ADARB2: variants seen among roughly 807,000 people sequenced by gnomAD.
ADARB2 encodes the protein adenosine deaminase RNA specific B2 (inactive).
Under a neutral mutation model 62.2 loss-of-function variants are expected in ADARB2, and 25 were observed. That is an observed-to-expected ratio of 0.40 (90% CI 0.29 to 0.56). The LOEUF is 0.56. Ranked by LOEUF, ADARB2 falls within the 20% of genes least tolerant of loss-of-function variation. ADARB2 has a pLI of 0.43. For synonymous variants in ADARB2, 572 were observed against 500.8 expected, an observed-to-expected ratio of 1.14 and a Z score of -1.90; for missense variants, 1,071 against 1,077.4, an observed-to-expected ratio of 0.99 and a Z score of 0.08.
At chr10:1,714,402 C>A (rs375148292) in intron 1 of ADARB2, among the ~76,000 whole-genome samples, 37 of 152,324 alleles carry the variant, frequency 2.4e-4, no homozygotes, top group South Asian at 1.9e-3. Flanking sequence ...AATTCACTTA[C>A]TGAGCATGTC....
chr10:1,235,100 A>G (rs376064445), intron 5 of ADARB2, among the ~76,000 whole-genome samples: 78 of 151,840 alleles, frequency 5.1e-4, no homozygotes, highest in Middle Eastern at 3.4e-3. Flanking sequence ...GCCCACATCT[A>G]TCTGTCTACA....
At chr10:1,673,037 T>C (rs1834411284) in intron 1 of ADARB2, among the ~76,000 whole-genome samples, 1 of 152,168 alleles carries the variant, frequency 6.6e-6, no homozygotes, top group East Asian at 1.9e-4. Context: ...GAGGCGTCTG[T>C]TTCTGCCTCA....
At chr10:1,339,526 G>C (rs1339900217) in intron 3 of ADARB2, among the ~76,000 whole-genome samples, 1 of 152,092 alleles carries the variant, frequency 6.6e-6, no homozygotes, top group Non-Finnish European at 1.5e-5. Context: ...ATTACAGAAG[G>C]GATTAAAAAC....
At chr10:1,505,323 G>A (rs1490750873) in intron 1 of ADARB2, among the ~76,000 whole-genome samples, 2 of 151,984 alleles carry the variant, frequency 1.3e-5, no homozygotes, top group East Asian at 1.9e-4. Context: ...TGATGATGAC[G>A]CTGAGGAAGA....
At chr10:1,647,417 ATGTGTATACATATG>A (rs1209230434) in intron 1 of ADARB2, among the ~76,000 whole-genome samples, 7 of 148,624 alleles carry the variant, frequency 4.7e-5, no homozygotes, top group Non-Finnish European at 1.5e-5. Context: ...GTGTGCATAT[ATGTGTATACATATG>A]TGTATACCTG....
At chr10:1,690,655 C>T (rs912248848) in intron 1 of ADARB2, among the ~76,000 whole-genome samples, 1 of 152,152 alleles carries the variant, frequency 6.6e-6, no homozygotes, top group Non-Finnish European at 1.5e-5. Context: ...TCCTTCCTGT[C>T]CCCATGCTCA....
rs141216722 is a variant in ADARB2, at chr10:1,694,749, G to A, written c.100+42302C>T. On this transcript the variant is annotated intron_variant, in intron 1 of 9. Transcript: ENST00000381312. ...AAGCACATTTACGTTTTTTCAGTCC[G>A]GGTTTTGGAAGCAGCAGGAGCTGGA... Among the ~76,000 whole-genome samples the A allele has an allele frequency of 7.5e-3, 1,138 of 152,270 alleles. 11 individuals carry two copies. The highest frequency in any genetic ancestry group is 0.026 in the African/African-American group (1,068 of 41,552).
chr10:1,427,749 TTA>T (rs1035802158), intron 1 of ADARB2, among the ~76,000 whole-genome samples: 1 of 152,200 alleles, frequency 6.6e-6, no homozygotes, highest in African/African-American at 2.4e-5. Context: ...GAATGGAAAT[TTA>T]TGTTTGCATA....
chr10:1,693,215 C>G (rs1000747193), intron 1 of ADARB2, among the ~76,000 whole-genome samples: 3 of 152,172 alleles, frequency 2.0e-5, no homozygotes, highest in Non-Finnish European at 4.4e-5. Flanking sequence ...GGTTTCTGAC[C>G]TGCAAGGGGC....
intron 1 of ADARB2, among the ~76,000 whole-genome samples, chr10:1,409,671 A>ATGGTG (rs1832740418): frequency 1.5e-5 from 1 of 67,846 alleles, no homozygotes; most frequent in Non-Finnish European, 3.2e-5. Context: ...AGGCCTGGCC[A>ATGGTG]CGGTCATGGG....
intron 1 of ADARB2, among the ~76,000 whole-genome samples, chr10:1,488,290 G>A (rs73582333): frequency 0.035 from 5,259 of 151,696 alleles, 301 homozygotes; most frequent in African/African-American, 0.12. Flanking sequence ...ATCCAAAAAT[G>A]ACCCACAGCA....
intron 3 of ADARB2, among the ~76,000 whole-genome samples, chr10:1,309,080 C>T (rs1296882583): frequency 6.6e-6 from 1 of 152,176 alleles, no homozygotes; most frequent in African/African-American, 2.4e-5. Flanking sequence ...ATGCCTCTGA[C>T]AGCAAACCAC....
At chr10:1,546,114 T>A (rs1188574273) in intron 1 of ADARB2, among the ~76,000 whole-genome samples, 1 of 152,110 alleles carries the variant, frequency 6.6e-6, no homozygotes, top group East Asian at 1.9e-4. Flanking sequence ...TGTGACCACC[T>A]GCTGCCTGTT....
At chr10:1,728,244 C>T (rs1320691889) in intron 1 of ADARB2, among the ~76,000 whole-genome samples, 1 of 152,160 alleles carries the variant, frequency 6.6e-6, no homozygotes, top group Admixed American at 6.5e-5. Context: ...AGACTTTAAA[C>T]AATGATGTTT....
intron 3 of ADARB2, among the ~76,000 whole-genome samples, chr10:1,331,351 A>C (rs1380944853): frequency 6.6e-6 from 1 of 152,230 alleles, no homozygotes; most frequent in Non-Finnish European, 1.5e-5. Context: ...GAAATGACCC[A>C]AATGTTGGAT....
At chr10:1,560,116 A>G (rs562302786) in intron 1 of ADARB2, among the ~76,000 whole-genome samples, 1 of 152,300 alleles carries the variant, frequency 6.6e-6, no homozygotes, top group South Asian at 2.1e-4. Flanking sequence ...AGATTCCCAG[A>G]CTAGTCGGCT....
At chr10:1,724,159 C>CAGCTGAAA (rs1273210423) in intron 1 of ADARB2, among the ~76,000 whole-genome samples, 5 of 152,190 alleles carry the variant, frequency 3.3e-5, no homozygotes, top group Admixed American at 6.5e-5. Flanking sequence ...TGAAAACATA[C>CAGCTGAAA]AGCTGAAAAG....
intron 1 of ADARB2, among the ~76,000 whole-genome samples, chr10:1,661,230 C>T (rs1356098741): frequency 6.6e-6 from 1 of 152,184 alleles, no homozygotes; most frequent in East Asian, 1.9e-4. Context: ...TTCTTTAACT[C>T]TTACACATTC....
intron 1 of ADARB2, among the ~76,000 whole-genome samples, chr10:1,668,525 T>C (rs1457186462): frequency 1.3e-5 from 2 of 152,134 alleles, no homozygotes; most frequent in African/African-American, 4.8e-5. Context: ...ATGAGCCAAT[T>C]AGAAGCAGTG....
Sources: allele counts gnomAD v4.1 joint callset (sites outside exome capture counted in the v4.1 genomes callset), GRCh38; gene constraint gnomAD v4.1.1; transcripts MANE v1.5; gene names NCBI Gene and HGNC (gene_info 2026-07-23, HGNC 2026-07-21).